Variants in PAX5 observed in about 807,000 individuals in gnomAD.
The protein encoded by PAX5 is paired box 5.
In PAX5, 9 loss-of-function variants were observed where a neutral mutation model predicts 43.7. The observed-to-expected ratio is 0.21, with a 90% confidence interval of 0.12 to 0.36. The LOEUF is 0.36. PAX5 is among the 10% of genes least tolerant of loss of function. The pLI is 1.00. For synonymous variants in PAX5, 228 were observed against 214.3 expected, an observed-to-expected ratio of 1.06 and a Z score of -0.56; for missense variants, 383 against 532.7, an observed-to-expected ratio of 0.72 and a Z score of 2.77.
intron 6 of PAX5, chr9:36,930,928 A>C: frequency 2.6e-4 from 256 of 997,908 alleles, no homozygotes; most frequent in Non-Finnish European, 3.3e-4. Context: ...GTATTGTCTC[A>C]TCAGCACGGG....
chr9:37,011,292 C>A (rs959396), intron 3 of PAX5, among the ~76,000 whole-genome samples: 88,396 of 151,986 alleles, frequency 0.58, 25,992 homozygotes, highest in Middle Eastern at 0.8. Context: ...TTTTATTTGA[C>A]TTAGTTGCTA....
intron 7 of PAX5, among the ~76,000 whole-genome samples, chr9:36,903,918 C>T (rs919076165): frequency 6.6e-6 from 1 of 152,204 alleles, no homozygotes; most frequent in African/African-American, 2.4e-5. Flanking sequence ...CATGACTCAC[C>T]AGGCTTTATG....
At chr9:36,984,399 C>T (rs1421153760) in intron 5 of PAX5, among the ~76,000 whole-genome samples, 4 of 144,372 alleles carry the variant, frequency 2.8e-5, no homozygotes, top group Admixed American at 7.0e-5. Context: ...TTGTGACTTA[C>T]TGGCTTTGTG....
At chr9:37,026,649 G>T (rs908408326) in intron 1 of PAX5, 3 of 1,350,496 alleles carry the variant, frequency 2.2e-6, no homozygotes, top group African/African-American at 1.5e-5. Flanking sequence ...GGCGGATAGG[G>T]AGCCTCGCCA....
At position 36,973,027 on chromosome 9, in the gene PAX5, CAA is replaced by C. The variant is rs56983909; in HGVS notation, c.605-6305_605-6304del. Reference sequence around the variant, plus strand: ...TGGCTGACAGAGCGAGATTCAGTCTCAAAAAAAAAAAGAAGAAAGAAAGAAAG... The same window carrying C: ...TGGCTGACAGAGCGAGATTCAGTCTCAAAAAAAAAGAAGAAAGAAAGAAAG... On this transcript the variant is annotated intron_variant, in intron 5 of 9. Transcript: ENST00000358127. Among the ~76,000 whole-genome samples, 12 of 127,718 alleles carry C rather than the reference CAA, an allele frequency of 9.4e-5. No individual in the cohort carries two copies. In the East Asian group the frequency reaches 1.3e-3, roughly 14 times the overall value. 83.8% of individuals were successfully genotyped at this position (127,718 alleles called of 152,430 possible).
chr9:36,992,190 C>CT (rs1194319886), intron 5 of PAX5, among the ~76,000 whole-genome samples: 2 of 151,644 alleles, frequency 1.3e-5, no homozygotes, highest in Admixed American at 1.3e-4. Context: ...CCAGAAGCCC[C>CT]TGTGGAATCA....
intron 6 of PAX5, among the ~76,000 whole-genome samples, chr9:36,950,483 C>G (rs1832903244): frequency 6.6e-6 from 1 of 152,332 alleles, no homozygotes; most frequent in Non-Finnish European, 1.5e-5. Flanking sequence ...AACCCCTCCT[C>G]AGTCTTCCTC....
rs183902095 is a variant in PAX5 at position 36,914,469 on chromosome 9, C to T, written c.910+8886G>A. Among the ~76,000 whole-genome samples, 582 of 152,228 alleles carry T rather than the reference C, an allele frequency of 3.8e-3. 5 individuals carry two copies. Among genetic ancestry groups the T allele is most frequent in the Non-Finnish European group, 5.9e-3 (400 of 68,018 alleles). ...GTTGCATTCACTGTGATTCTGTGCA[C>T]GGGGAAAGCCCTGGACACCTTCATT... On this transcript the variant is annotated intron_variant, in intron 7 of 9. Coordinates refer to ENST00000358127, the MANE Select transcript of PAX5 (RefSeq NM_016734.3).
At chr9:36,878,421 G>A (rs1043647657) in intron 8 of PAX5, among the ~76,000 whole-genome samples, 7 of 152,230 alleles carry the variant, frequency 4.6e-5, no homozygotes, top group Admixed American at 4.6e-4. Flanking sequence ...CCAGGCACAA[G>A]CATCTTCCCC....
chr9:36,896,863 G>A (rs534897727), intron 7 of PAX5, among the ~76,000 whole-genome samples: 112 of 152,328 alleles, frequency 7.4e-4, no homozygotes, highest in Middle Eastern at 3.4e-3. Flanking sequence ...ACAGGTACAA[G>A]AGCCAATCAG....
Position 36,899,885 on chromosome 9 carries a change from C to T in PAX5, c.911-17780G>A, listed in dbSNP as rs1775228037. 2.0e-5 allele frequency among the ~76,000 whole-genome samples: 3 copies of T among 152,220 alleles called. No individual in the cohort carries two copies. The South Asian group carries it at 6.2e-4, about 32-fold the overall frequency. On this transcript the variant is annotated intron_variant, in intron 7 of 9. Transcript: ENST00000358127. ...ATCCAGTGCAACCATTTCGTCCTTT[C>T]TTCAGGTGGTTTCTGGCCATGTGCA...
intron 7 of PAX5, chr9:36,922,592 G>A (rs888310463): frequency 1.3e-5 from 2 of 152,252 alleles, no homozygotes; most frequent in Non-Finnish European, 2.9e-5. Flanking sequence ...ACAGGGAGAG[G>A]GTTCTCAGAA....
intron 7 of PAX5, among the ~76,000 whole-genome samples, chr9:36,886,460 T>C (rs1051170957): frequency 1.3e-5 from 2 of 152,202 alleles, no homozygotes; most frequent in East Asian, 1.9e-4. Context: ...CTGAGGAGTC[T>C]GTGACCTTGG....
chr9:36,849,629 G>A (rs1033828101), intron 8 of PAX5, among the ~76,000 whole-genome samples: 2 of 152,218 alleles, frequency 1.3e-5, no homozygotes, highest in Non-Finnish European at 2.9e-5. Flanking sequence ...CCACAGCCAG[G>A]GGTGTGTTGG....
At chr9:36,867,185 G>A (rs750394504) in intron 8 of PAX5, among the ~76,000 whole-genome samples, 1 of 152,068 alleles carries the variant, frequency 6.6e-6, no homozygotes. Flanking sequence ...CCCCACACCC[G>A]CAGTGCCCAT....
intron 7 of PAX5, among the ~76,000 whole-genome samples, chr9:36,906,999 C>T (rs1324941491): frequency 2.0e-5 from 3 of 152,132 alleles, no homozygotes; most frequent in Admixed American, 6.5e-5. Flanking sequence ...CAGGACTGCA[C>T]GTTTGATCAG....
intron 6 of PAX5, among the ~76,000 whole-genome samples, chr9:36,941,879 C>G (rs1180357834): frequency 6.6e-6 from 1 of 152,156 alleles, no homozygotes; most frequent in Non-Finnish European, 1.5e-5. Flanking sequence ...TGCAGGGGTG[C>G]ATAGGGCATC....
intron 8 of PAX5, among the ~76,000 whole-genome samples, chr9:36,866,679 G>C (rs1350584850): frequency 6.6e-6 from 1 of 152,114 alleles, no homozygotes; most frequent in African/African-American, 2.4e-5. Context: ...AGGAACTGAG[G>C]GGGGTGGGGA....
intron 8 of PAX5, among the ~76,000 whole-genome samples, chr9:36,859,801 G>A (rs760216897): frequency 4.6e-5 from 7 of 152,316 alleles, no homozygotes; most frequent in South Asian, 2.1e-4. Context: ...TTGGGAGGCC[G>A]AGGTAGGTGG....
Sources: allele counts gnomAD v4.1 joint callset (sites outside exome capture counted in the v4.1 genomes callset), GRCh38; gene constraint gnomAD v4.1.1; transcripts MANE v1.5; gene names NCBI Gene and HGNC (gene_info 2026-07-23, HGNC 2026-07-21).